The following EXOC4 variants were observed in gnomAD, a reference collection of about 807,000 sequenced individuals.
EXOC4 encodes the protein exocyst complex component 4, also known as SEC8-like 1.
Under a neutral mutation model 107.2 loss-of-function variants are expected in EXOC4, and 71 were observed. That is an observed-to-expected ratio of 0.66 (90% CI 0.55 to 0.81). The LOEUF (loss-of-function observed/expected upper bound fraction) is 0.81. Ranked by LOEUF, EXOC4 falls within the 30% of genes least tolerant of loss-of-function variation. The pLI, the probability that EXOC4 is intolerant of heterozygous loss-of-function variation, is 0.00. For synonymous variants in EXOC4, 456 were observed against 441.2 expected (o/e 1.03, Z -0.42); for missense variants, 1,108 against 1,189.6 (o/e 0.93, Z 1.01).
intron 10 of EXOC4, among the ~76,000 whole-genome samples, chr7:133,808,298 C>T (rs17167290): frequency 0.097 from 14,736 of 152,184 alleles, 844 homozygotes; most frequent in Middle Eastern, 0.14. Context: ...AAGAGGCAAA[C>T]GTGCTCCAAA....
intron 9 of EXOC4, chr7:133,576,980 G>A (rs1801145608): frequency 1.5e-6 from 1 of 688,094 alleles, no homozygotes; most frequent in African/African-American, 1.9e-5. Flanking sequence ...AAGATAATAT[G>A]CCCGGGGTTG....
intron 5 of EXOC4, among the ~76,000 whole-genome samples, chr7:133,336,832 C>T (rs1305149476): frequency 2.6e-5 from 4 of 152,044 alleles, no homozygotes; most frequent in Non-Finnish European, 5.9e-5. Context: ...CTCCCGGGTT[C>T]AAGCAATTCT....
intron 14 of EXOC4, among the ~76,000 whole-genome samples, chr7:133,975,284 A>T (rs555143209): frequency 6.6e-6 from 1 of 152,272 alleles, no homozygotes; most frequent in South Asian, 2.1e-4. Context: ...TGGGGATAGT[A>T]GGGATGGTTT....
chr7:133,766,940 T>C (rs1270840193), intron 10 of EXOC4, among the ~76,000 whole-genome samples: 2 of 151,926 alleles, frequency 1.3e-5, no homozygotes, highest in Non-Finnish European at 2.9e-5. Context: ...TGTTTCAAAA[T>C]TCTTCTACCT....
At chr7:133,917,507 A>C (rs1585247029) in intron 12 of EXOC4, 76 bp from the exon 13 acceptor site, 2 of 1,443,216 alleles carry the variant, frequency 1.4e-6, no homozygotes. Flanking sequence ...TTTTTCCTGC[A>C]GCAAAGGTAG....
At chr7:133,521,162 CT>C (rs1799971099) in intron 9 of EXOC4, among the ~76,000 whole-genome samples, 1 of 152,104 alleles carries the variant, frequency 6.6e-6, no homozygotes, top group South Asian at 2.1e-4. Context: ...AATACACTTA[CT>C]TTATTTTAAT....
chr7:133,937,712 T>G (rs1047538442), intron 13 of EXOC4, among the ~76,000 whole-genome samples, 179 bp from the exon 14 acceptor site: 6 of 152,176 alleles, frequency 3.9e-5, no homozygotes, highest in African/African-American at 1.4e-4. Context: ...TTTTCCCTTA[T>G]CAGAATCATG....
chr7:133,429,138 T>C (rs1453924670), intron 7 of EXOC4, among the ~76,000 whole-genome samples: 1 of 152,106 alleles, frequency 6.6e-6, no homozygotes, highest in African/African-American at 2.4e-5. Context: ...GGATATTGAT[T>C]TAGTAAGTGA....
intron 10 of EXOC4, among the ~76,000 whole-genome samples, chr7:133,773,218 A>G (rs929455094): frequency 6.6e-6 from 1 of 151,894 alleles, no homozygotes; most frequent in Non-Finnish European, 1.5e-5. Flanking sequence ...AGACATGCCC[A>G]CTCAAGCCAT....
intron 9 of EXOC4, among the ~76,000 whole-genome samples, chr7:133,601,141 T>C (rs1431767869): frequency 6.6e-6 from 1 of 152,194 alleles, no homozygotes; most frequent in African/African-American, 2.4e-5. Flanking sequence ...ATTCTTTTCG[T>C]AGACCTCTTT....
At chr7:133,847,537 A>ATTTTTTTTTT (rs34297470) in intron 11 of EXOC4, among the ~76,000 whole-genome samples, 16 of 127,162 alleles carry the variant, frequency 1.3e-4, no homozygotes, top group Non-Finnish European at 2.0e-4. Flanking sequence ...TACACCAGCT[A>ATTTTTTTTTT]TTTTTTTTTT....
intron 12 of EXOC4, among the ~76,000 whole-genome samples, chr7:133,911,840 A>T (rs1381916801): frequency 6.6e-6 from 1 of 152,176 alleles, no homozygotes; most frequent in African/African-American, 2.4e-5. Flanking sequence ...TCTGTGGAAC[A>T]GAATTTGACC....
At chr7:133,883,675 C>T (rs1799016168) in intron 11 of EXOC4, among the ~76,000 whole-genome samples, 1 of 151,996 alleles carries the variant, frequency 6.6e-6, no homozygotes, top group South Asian at 2.1e-4. Flanking sequence ...ATAAATAAAA[C>T]TGTTGTGAAG....
intron 9 of EXOC4, among the ~76,000 whole-genome samples, chr7:133,622,988 G>A (rs933053146): frequency 6.6e-6 from 1 of 152,076 alleles, no homozygotes; most frequent in African/African-American, 2.4e-5. Flanking sequence ...CCCCTGCCAT[G>A]AGCCTCCATT....
intron 9 of EXOC4, among the ~76,000 whole-genome samples, chr7:133,561,206 C>G (rs1295588797): frequency 6.6e-6 from 1 of 152,190 alleles, no homozygotes; most frequent in Non-Finnish European, 1.5e-5. Flanking sequence ...GACAAGCAAG[C>G]ACATGGCTTT....
In EXOC4 at chr7:133,306,035, G is replaced by A. The variant is rs760772981; in HGVS notation, c.630G>A (p.Gln210=). The A allele has an allele frequency of 1.2e-6, 2 of 1,612,320 alleles. No individual in the cohort carries two copies. Among genetic ancestry groups the A allele is most frequent in the Admixed American group, 3.3e-5 (2 of 59,704 alleles). ...LYIKSTSRVV[Q]RNKEKGKISS... is the part of the protein sequence containing the mutation. The stretch of plus-strand genomic sequence containing the variant: ...TCAAATCGACTAGCCGAGTTGTGCA[G>A]CGTAACAAGGAAAAAGGGAAAATCA... Residue 210 remains glutamine (Q), a synonymous_variant, in exon 4 of 18, where the codon CAG becomes CAA. Coordinates refer to ENST00000253861, the MANE Select transcript of EXOC4 (RefSeq NM_021807.4).
chr7:133,448,865 G>A (rs900247253), intron 7 of EXOC4, among the ~76,000 whole-genome samples: 1 of 152,254 alleles, frequency 6.6e-6, no homozygotes, highest in Middle Eastern at 3.4e-3. Flanking sequence ...AGCTCTTTGG[G>A]AGGCCGAGGT....
intron 9 of EXOC4, among the ~76,000 whole-genome samples, chr7:133,621,467 G>A (rs1056215976): frequency 5.9e-5 from 9 of 152,264 alleles, no homozygotes; most frequent in Non-Finnish European, 8.8e-5. Context: ...GCAAAACTCC[G>A]ATTAGTTATT....
Position 133,726,109 on chromosome 7 carries a change from A to G in EXOC4, c.1515-91216A>G, listed in dbSNP as rs77200324. 2.1e-3 allele frequency among the ~76,000 whole-genome samples: 318 copies of G among 152,330 alleles called. 3 individuals carry two copies. Among genetic ancestry groups the G allele is most frequent in the African/African-American group, 7.3e-3 (304 of 41,570 alleles). On this transcript the variant is annotated intron_variant, in intron 10 of 17. Transcript: ENST00000253861. ...GGACTGAGATCTGGACTGCAGCTAT[A>G]TACACTTGATAGTTATAAAAAATGG...
Sources: gnomAD v4.1 joint callset for allele counts (sites outside exome capture counted in the v4.1 genomes callset) on GRCh38, gnomAD v4.1.1 for gene constraint, MANE v1.5 for transcripts, NCBI Gene and HGNC (gene_info 2026-07-23, HGNC 2026-07-21) for gene names.